Variants in ATPAF2 observed in about 807,000 individuals in gnomAD.
The protein encoded by ATPAF2 is ATP12 homolog.
Under a neutral mutation model 36.6 loss-of-function variants are expected in ATPAF2, and 30 were observed. The ratio of observed to expected loss-of-function variants is 0.82; its 90% CI spans 0.61 to 1.11. The LOEUF is 1.11. Ranked by LOEUF, ATPAF2 falls within the 50% of genes most tolerant of loss-of-function variation. The pLI is 0.00. For synonymous variants in ATPAF2, 140 were observed against 152.6 expected, an observed-to-expected ratio of 0.92 and a Z score of 0.61; for missense variants, 321 against 372.3, an observed-to-expected ratio of 0.86 and a Z score of 1.13.
In ATPAF2 at chr17:18,024,623, C is replaced by G; in HGVS notation, c.503+1G>C. The G allele has an allele frequency of 6.2e-7, 1 of 1,613,580 alleles. No homozygotes were observed. Among genetic ancestry groups the G allele is most frequent in the South Asian group, 1.1e-5 (1 of 91,068 alleles). ...GCTTTCTGCAGGGCTGTACATCTTA[C>G]CTTTTCTCAGCCCATTCGATGATTG... is the stretch of plus-strand genomic sequence containing the variant. On this transcript the variant is annotated splice_donor_variant, in intron 5 of 7. Transcript: ENST00000474627. LOFTEE classifies it high-confidence loss of function.
chr17:18,036,994 C>A (rs781706679), intron 1 of ATPAF2, among the ~76,000 whole-genome samples: 1 of 152,062 alleles, frequency 6.6e-6, no homozygotes. Context: ...TTGCTTGAAT[C>A]TGGGAGGTAG....
At position 18,026,361 on chromosome 17, in the gene ATPAF2, A is replaced by C; in HGVS notation, c.380T>G (p.Leu127Arg). 1 of 1,614,258 alleles carries C rather than the reference A, an allele frequency of 6.2e-7. No homozygotes were observed. The change falls in exon 4 of 8, where the codon CTG (leucine) becomes CGG (arginine). Residue 127 changes from leucine (L) to arginine (R), a missense_variant. Physicochemically the swap from Leu to Arg is moderately radical, Grantham distance 102 (BLOSUM62 -2). This residue lies in a region of ATPAF2 where 199 missense variants were observed against 220.6 expected (regional missense o/e 0.90). Transcript: ENST00000474627. The stretch of plus-strand genomic sequence containing the variant: ...CAGAAACTTCACGGCTGCCCGGATC[A>C]GCTGATCCTTGTTTCTCTGGGTTGG... ...DNPTQRNKDQ[L>R]IRAAVKFLDT...
At chr17:18,029,938 G>C (rs2044603666) in intron 1 of ATPAF2, among the ~76,000 whole-genome samples, 1 of 141,548 alleles carries the variant, frequency 7.1e-6, no homozygotes, top group Admixed American at 7.4e-5. Flanking sequence ...TATAATCCTA[G>C]CACTTTGGGA....
At chr17:18,017,171 CAAAAAAAAAAAAAAAAAAA>C (rs59274380), downstream of ATPAF2, among the ~76,000 whole-genome samples, 508 of 43,646 alleles carry the variant, frequency 0.012, 3 homozygotes, top group Middle Eastern at 0.047. Flanking sequence ...GACTTCGTCT[CAAAAAAAAAAAAAAAAAAA>C]AAAAAAAAAA....
At chr17:18,016,618 G>T (rs766718133), downstream of ATPAF2, 8 of 1,613,620 alleles carry the variant, frequency 5.0e-6, no homozygotes, top group South Asian at 1.1e-5. Context: ...TCAGTACATC[G>T]ACCACATGCA....
chr17:18,032,971 C>T (rs2044657728), intron 1 of ATPAF2, among the ~76,000 whole-genome samples: 1 of 151,654 alleles, frequency 6.6e-6, no homozygotes, highest in South Asian at 2.1e-4. Flanking sequence ...ATGCAAGATT[C>T]TCTAAGATGC....
downstream of ATPAF2, among the ~76,000 whole-genome samples, chr17:18,017,138 C>CTCCA (rs1287717260): frequency 7.4e-6 from 1 of 134,574 alleles, no homozygotes; most frequent in Non-Finnish European, 1.5e-5. Context: ...CACCACTGCA[C>CTCCA]TCCAGCCTGG....
intron 1 of ATPAF2, among the ~76,000 whole-genome samples, chr17:18,038,398 G>C (rs1378581266): frequency 6.6e-6 from 1 of 152,208 alleles, no homozygotes; most frequent in Non-Finnish European, 1.5e-5. Flanking sequence ...TGGTAGGAGG[G>C]AAAGTCAGGA....
At chr17:18,026,632 G>A (rs79974990) in intron 3 of ATPAF2, 11 of 597,616 alleles carry the variant, frequency 1.8e-5, no homozygotes, top group Admixed American at 5.7e-5. Context: ...CACAGGACTC[G>A]AGGGAAGCTT....
intron 1 of ATPAF2, among the ~76,000 whole-genome samples, chr17:18,037,300 T>C (rs559653993): frequency 8.1e-4 from 123 of 151,234 alleles, no homozygotes; most frequent in African/African-American, 2.7e-3. Context: ...TATAAAGTTA[T>C]AGAACTTGGC....
At chr17:18,034,990 A>G (rs562690354) in intron 1 of ATPAF2, among the ~76,000 whole-genome samples, 17 of 152,280 alleles carry the variant, frequency 1.1e-4, no homozygotes, top group African/African-American at 3.8e-4. Flanking sequence ...TAATCCCAGC[A>G]CTCTGGAAGG....
downstream of ATPAF2, chr17:18,016,497 C>A: frequency 8.1e-7 from 1 of 1,229,916 alleles, no homozygotes; most frequent in Non-Finnish European, 1.2e-6. Flanking sequence ...AAACTGGATT[C>A]AGTGAAAGAT....
intron 1 of ATPAF2, among the ~76,000 whole-genome samples, chr17:18,033,100 GGC>G (rs2044659975): frequency 1.3e-5 from 2 of 152,210 alleles, no homozygotes; most frequent in South Asian, 4.2e-4. Context: ...CGGGCATGGT[GGC>G]TCATGCCTGT....
At chr17:18,033,956 C>G (rs2044671239) in intron 1 of ATPAF2, among the ~76,000 whole-genome samples, 1 of 151,856 alleles carries the variant, frequency 6.6e-6, no homozygotes, top group African/African-American at 2.4e-5. Flanking sequence ...CCTGTCTCTA[C>G]AAAAATACAA....
At chr17:18,032,709 T>C (rs1199441768) in intron 1 of ATPAF2, among the ~76,000 whole-genome samples, 2 of 152,100 alleles carry the variant, frequency 1.3e-5, no homozygotes, top group African/African-American at 2.4e-5. Context: ...CTAGTAGGAA[T>C]ACAGACACTA....
At chr17:18,022,714 A>C (rs1367662259) in intron 5 of ATPAF2, among the ~76,000 whole-genome samples, 1 of 148,902 alleles carries the variant, frequency 6.7e-6, no homozygotes, top group Non-Finnish European at 1.5e-5. Flanking sequence ...CGCCTGGCTG[A>C]GAAGATACAT....
chr17:18,034,258 G>T (rs2044674621), intron 1 of ATPAF2, among the ~76,000 whole-genome samples: 1 of 152,062 alleles, frequency 6.6e-6, no homozygotes, highest in African/African-American at 2.4e-5. Flanking sequence ...TTTAAAGTCA[G>T]CTGGGCATGG....
In ATPAF2 at chr17:18,018,614, CGGCGG is replaced by C; in HGVS notation, c.800_804del (p.Ala267GlyfsTer82). 1 of 1,613,990 alleles carries C rather than the reference CGGCGG, an allele frequency of 6.2e-7. No homozygotes were observed. The highest frequency in any genetic ancestry group is 8.5e-7 in the Non-Finnish European group (1 of 1,180,028). ...GAGCAGAGATGGATGAAGAGGGTGC[CGGCGG>C]CGGTGCGGGCCCGCAGCTCCTGCAG... On this transcript the variant is annotated frameshift_variant, in exon 8 of 8. Transcript: ENST00000474627. LOFTEE classifies it high-confidence loss of function.
chr17:18,030,091 C>G (rs951716067), intron 1 of ATPAF2, among the ~76,000 whole-genome samples: 2 of 149,356 alleles, frequency 1.3e-5, no homozygotes, highest in Admixed American at 6.7e-5. Context: ...GAGGCGGAGG[C>G]GGGTGGATCA....
Sources: allele counts gnomAD v4.1 joint callset (sites outside exome capture counted in the v4.1 genomes callset), GRCh38; gene constraint gnomAD v4.1.1; regional missense constraint gnomAD v4.1.1; transcripts MANE v1.5; gene names NCBI Gene and HGNC (gene_info 2026-07-23, HGNC 2026-07-21).